EYS: variants seen among roughly 807,000 people sequenced by gnomAD.
EYS encodes protein eyes shut homolog.
EYS carries 250 observed loss-of-function variants against 282.1 expected under a neutral mutation model. The observed-to-expected ratio is 0.89, with a 90% CI of 0.80 to 0.98. The LOEUF (loss-of-function observed/expected upper bound fraction) is 0.98, where lower values mean the gene tolerates loss of function less well. Ranked by LOEUF, EYS falls within the 50% of genes least tolerant of loss-of-function variation. EYS has a pLI of 0.00. For synonymous variants in EYS, 1,355 were observed against 1,282.9 expected (o/e 1.06, Z -1.20); for missense variants, 4,016 against 3,709.0 (o/e 1.08, Z -2.15).
At chr6:65,262,798 G>T (rs182422063) in intron 12 of EYS, among the ~76,000 whole-genome samples, 131 of 152,098 alleles carry the variant, frequency 8.6e-4, no homozygotes, top group African/African-American at 2.9e-3. Context: ...TATATTTAAA[G>T]AATACCTTTA....
intron 22 of EYS, among the ~76,000 whole-genome samples, chr6:64,809,119 T>C (rs2150013183): frequency 6.6e-6 from 1 of 151,920 alleles, no homozygotes; most frequent in Admixed American, 6.6e-5. Flanking sequence ...TAAACAAGAG[T>C]CTGGCAAATA....
intron 31 of EYS, among the ~76,000 whole-genome samples, chr6:64,142,694 T>G (rs1774374977): frequency 6.6e-6 from 1 of 152,056 alleles, no homozygotes; most frequent in Non-Finnish European, 1.5e-5. Flanking sequence ...ATTGTTTGGT[T>G]AGAAAAATAG....
chr6:64,343,708 G>C lies in EYS; in HGVS notation c.6079-36626C>G, dbSNP rs577396709. ...CAGAAGGCAAGAAGTAACTAAGATC[G>C]AGCAGAACTGAAGGAAATAGAGACA... On this transcript the variant is annotated intron_variant, in intron 29 of 42. Transcript: ENST00000503581. Among the ~76,000 whole-genome samples, 234 of 151,684 alleles carry C rather than the reference G, an allele frequency of 1.5e-3. 1 individual carries two copies. Among genetic ancestry groups the C allele is most frequent in the Middle Eastern group, 3.4e-3 (1 of 294 alleles).
chr6:64,981,901 T>C (rs1770681394), intron 14 of EYS, among the ~76,000 whole-genome samples: 1 of 151,392 alleles, frequency 6.6e-6, no homozygotes, highest in Non-Finnish European at 1.5e-5. Flanking sequence ...TGCCAGATGT[T>C]ACCAGTGGCT....
rs191364787 is a variant in EYS, at chr6:63,725,789, A to C, written c.8233+730T>G. The stretch of plus-strand genomic sequence containing the variant: ...TGATCATTAGAGCACCATTTTTGCT[A>C]ATGATGTGAAATTTAGCAAATGTAA... On this transcript the variant is annotated intron_variant, in intron 42 of 42. Coordinates refer to ENST00000503581, the MANE Select transcript of EYS (RefSeq NM_001142800.2). 3.3e-3 allele frequency among the ~76,000 whole-genome samples: 500 copies of C among 152,252 alleles called. 1 individual carries two copies. Among genetic ancestry groups the C allele is most frequent in the Non-Finnish European group, 5.2e-3 (354 of 67,968 alleles).
intron 26 of EYS, among the ~76,000 whole-genome samples, chr6:64,440,807 T>C (rs1774915451): frequency 6.6e-6 from 1 of 151,960 alleles, no homozygotes; most frequent in Admixed American, 6.6e-5. Flanking sequence ...ATATACCCAA[T>C]ATTGATGAAA....
intron 11 of EYS, among the ~76,000 whole-genome samples, chr6:65,311,916 A>G (rs187638564): frequency 1.3e-3 from 192 of 152,362 alleles, no homozygotes; most frequent in Non-Finnish European, 2.2e-3. Flanking sequence ...TGTCCTATGC[A>G]TAAGTATGTA....
chr6:65,271,076 T>C (rs1377696860), intron 12 of EYS, among the ~76,000 whole-genome samples: 2 of 142,958 alleles, frequency 1.4e-5, no homozygotes, highest in South Asian at 4.5e-4. Flanking sequence ...CATCCCACCG[T>C]CTCGATACCA....
intron 5 of EYS, among the ~76,000 whole-genome samples, chr6:65,484,905 A>G (rs892210578): frequency 6.6e-6 from 1 of 152,172 alleles, no homozygotes; most frequent in Non-Finnish European, 1.5e-5. Flanking sequence ...CCACACATTT[A>G]TGTTTGTCTA....
Position 65,382,457 on chromosome 6 carries a change from CTGTGTG to C in EYS, c.1299+1923_1299+1928del, listed in dbSNP as rs55949006. On this transcript the variant is annotated intron_variant, in intron 8 of 42. Transcript: ENST00000503581. The stretch of plus-strand genomic sequence containing the variant: ...ATCTATCTTTGAAGTCTCCTTTCCT[CTGTGTG>C]TGTGTGTGTGTGTGTGTGTGTGTGT... Among the ~76,000 whole-genome samples, 1,112 of 111,990 alleles carry C rather than the reference CTGTGTG, an allele frequency of 9.9e-3. 7 individuals carry two copies. Among genetic ancestry groups the C allele is most frequent in the African/African-American group, 0.03 (981 of 32,628 alleles). The allele number at this position is 111,990 out of a possible 152,430, so 73.5% of individuals were successfully genotyped here. A position where few individuals can be genotyped will look rare whatever the true frequency, so the allele number is the denominator to read the frequency against.
At chr6:63,957,656 C>T (rs1053540538) in intron 35 of EYS, among the ~76,000 whole-genome samples, 5 of 140,410 alleles carry the variant, frequency 3.6e-5, no homozygotes, top group East Asian at 2.0e-4. Context: ...TATGCTACAG[C>T]GCCTAAAAGT....
intron 35 of EYS, among the ~76,000 whole-genome samples, chr6:63,895,146 G>T (rs1382841818): frequency 3.3e-5 from 1 of 30,010 alleles, no homozygotes; most frequent in Non-Finnish European, 1.3e-4. Context: ...ACTTGTGAGC[G>T]ATAAAAAAAA....
In EYS at chr6:65,373,352, G is replaced by C. The variant is rs141094680; in HGVS notation, c.1299+11034C>G. Among the ~76,000 whole-genome samples the C allele has an allele frequency of 6.3e-3, 954 of 152,094 alleles. 37 individuals are homozygous for C. The highest frequency in any genetic ancestry group is 0.052 in the East Asian group (270 of 5,166). The stretch of plus-strand genomic sequence containing the variant: ...TCATGTTAAATGCTAAATGAGAATG[G>C]GGATGGATGACATCAAATACCACAT... On this transcript the variant is annotated intron_variant, in intron 8 of 42. Coordinates refer to ENST00000503581, the MANE Select transcript of EYS (RefSeq NM_001142800.2).
intron 22 of EYS, among the ~76,000 whole-genome samples, chr6:64,727,992 G>A (rs1771817147): frequency 1.3e-5 from 2 of 152,256 alleles, no homozygotes; most frequent in Middle Eastern, 3.4e-3. Flanking sequence ...CCCTTCACGG[G>A]TGGAAACTGG....
At chr6:64,901,233 C>T (rs1767650788) in intron 18 of EYS, among the ~76,000 whole-genome samples, 1 of 147,052 alleles carries the variant, frequency 6.8e-6, no homozygotes, top group Non-Finnish European at 1.5e-5. Context: ...CATACTGGGG[C>T]CTGTCAGGGG....
At chr6:64,607,596 T>C (rs769875958) in intron 24 of EYS, among the ~76,000 whole-genome samples, 5 of 152,056 alleles carry the variant, frequency 3.3e-5, no homozygotes, top group Admixed American at 6.6e-5. Flanking sequence ...TACATTCTAA[T>C]ACCATAGTCT....
At chr6:64,409,451 T>C (rs536315140) in intron 28 of EYS, among the ~76,000 whole-genome samples, 5 of 152,264 alleles carry the variant, frequency 3.3e-5, no homozygotes, top group East Asian at 1.9e-4. Flanking sequence ...AGCTTCTACA[T>C]AGAAAAAGGT....
At chr6:64,026,966 T>G (rs1007228039) in intron 33 of EYS, among the ~76,000 whole-genome samples, 8 of 152,210 alleles carry the variant, frequency 5.3e-5, no homozygotes, top group African/African-American at 1.9e-4. Context: ...GGGCAAACCT[T>G]TGACCTCACT....
intron 2 of EYS, among the ~76,000 whole-genome samples, chr6:65,526,892 G>C (rs1194026008): frequency 2.6e-5 from 4 of 152,186 alleles, no homozygotes; most frequent in African/African-American, 9.7e-5. Flanking sequence ...CCAGGTGGCA[G>C]TATAAGCTTC....
Sources: gnomAD v4.1 joint callset for allele counts (sites outside exome capture counted in the v4.1 genomes callset) on GRCh38, gnomAD v4.1.1 for gene constraint, MANE v1.5 for transcripts, NCBI Gene and HGNC (gene_info 2026-07-23, HGNC 2026-07-21) for gene names.